MTUS1: variants seen among roughly 807,000 people sequenced by gnomAD.
MTUS1 encodes microtubule associated scaffold protein 1, also known as microtubule-associated tumor suppressor 1.
A neutral mutation model predicts 120.8 loss-of-function variants in MTUS1; 109 were observed. That is an observed-to-expected ratio of 0.90 (90% CI 0.77 to 1.06). MTUS1 has a LOEUF of 1.06. Among genes scored for constraint, MTUS1 ranks in the 50% least tolerant of loss-of-function variants. MTUS1 has a pLI of 0.00. For missense variants in MTUS1, 2,210 were observed against 1,486.3 expected, an observed-to-expected ratio of 1.49 and a Z score of -8.01; for synonymous variants, 737 against 550.5, an observed-to-expected ratio of 1.34 and a Z score of -4.74.
intron 3 of MTUS1, among the ~76,000 whole-genome samples, chr8:17,735,939 G>C (rs1021838534): frequency 6.6e-6 from 1 of 152,212 alleles, no homozygotes; most frequent in Non-Finnish European, 1.5e-5. Flanking sequence ...GGACAGCTGA[G>C]GTGGAATCTG....
intron 1 of MTUS1, among the ~76,000 whole-genome samples, chr8:17,779,929 G>C (rs936538481): frequency 6.6e-6 from 1 of 152,282 alleles, no homozygotes; most frequent in Middle Eastern, 3.4e-3. Flanking sequence ...CTGTCAATGT[G>C]ACATCTCCAC....
intron 8 of MTUS1, among the ~76,000 whole-genome samples, chr8:17,661,848 A>G (rs930743071): frequency 6.6e-6 from 1 of 152,218 alleles, no homozygotes; most frequent in Non-Finnish European, 1.5e-5. Context: ...TGCTCTGTTT[A>G]CTGGCCCGGT....
chr8:17,721,899 C>A, intron 4 of MTUS1: 1 of 1,611,730 alleles, frequency 6.2e-7, no homozygotes, highest in South Asian at 1.1e-5. Flanking sequence ...CTGGTACAGT[C>A]ATTTAAAAGG....
chr8:17,778,152 T>G (rs1451385035), intron 1 of MTUS1, among the ~76,000 whole-genome samples: 1 of 152,212 alleles, frequency 6.6e-6, no homozygotes, highest in African/African-American at 2.4e-5. Context: ...GATTATTTTT[T>G]TTTAATTGTG....
intron 6 of MTUS1, among the ~76,000 whole-genome samples, chr8:17,699,899 T>C (rs1271001957): frequency 6.6e-6 from 1 of 152,218 alleles, no homozygotes; most frequent in African/African-American, 2.4e-5. Flanking sequence ...GTCACAACTA[T>C]TTTTATACTA....
intron 6 of MTUS1, among the ~76,000 whole-genome samples, chr8:17,708,295 G>C (rs1820559938): frequency 6.6e-6 from 1 of 152,190 alleles, no homozygotes; most frequent in South Asian, 2.1e-4. Context: ...CAAATGATTT[G>C]AATAGACACT....
At chr8:17,728,166 T>C (rs957089126) in intron 3 of MTUS1, among the ~76,000 whole-genome samples, 4 of 152,138 alleles carry the variant, frequency 2.6e-5, no homozygotes, top group Non-Finnish European at 2.9e-5. Context: ...TGGGGAGTTG[T>C]TCAATGGGTA....
chr8:17,663,911 T>G (rs1810336345), intron 8 of MTUS1: 2 of 152,242 alleles, frequency 1.3e-5, no homozygotes, highest in African/African-American at 4.8e-5. Flanking sequence ...CTACATTTCT[T>G]CATTTTTAAA....
chr8:17,727,344 C>T (rs11776415), intron 3 of MTUS1, among the ~76,000 whole-genome samples: 1,896 of 152,270 alleles, frequency 0.012, 20 homozygotes, highest in Non-Finnish European at 0.018. Context: ...GGCCTAGAAT[C>T]CAAGTGTCTA....
chr8:17,794,195 G>A (rs976765649), intron 1 of MTUS1, among the ~76,000 whole-genome samples: 2 of 152,066 alleles, frequency 1.3e-5, no homozygotes, highest in African/African-American at 2.4e-5. Flanking sequence ...GGGCGTGGTG[G>A]TGCATGCCTG....
intron 8 of MTUS1, among the ~76,000 whole-genome samples, chr8:17,657,247 C>T (rs1487370388): frequency 2.6e-5 from 4 of 151,836 alleles, no homozygotes; most frequent in Middle Eastern, 3.4e-3. Flanking sequence ...AGGCCAGGCA[C>T]GGTGGTTTGT....
chr8:17,787,624 T>C (rs973270370), intron 1 of MTUS1, among the ~76,000 whole-genome samples: 1 of 152,194 alleles, frequency 6.6e-6, no homozygotes, highest in African/African-American at 2.4e-5. Context: ...GCCAAAAATA[T>C]TCTTCGCCTC....
chr8:17,751,862 T>TTAA (rs2048221028), intron 2 of MTUS1, among the ~76,000 whole-genome samples: 1 of 96,540 alleles, frequency 1.0e-5, no homozygotes, highest in African/African-American at 3.8e-5. Context: ...GACTCTGCCT[T>TTAA]AAAAAAAAAA....
intron 8 of MTUS1, chr8:17,674,764 C>A (rs1324263094): frequency 2.0e-6 from 2 of 1,003,068 alleles, no homozygotes; most frequent in Admixed American, 1.1e-4. Flanking sequence ...ATCCTTTCAA[C>A]TTCATACTCA....
chr8:17,789,004 T>C (rs2131572465), intron 1 of MTUS1, among the ~76,000 whole-genome samples: 1 of 152,216 alleles, frequency 6.6e-6, no homozygotes, highest in Admixed American at 6.5e-5. Context: ...AAGAAATGAT[T>C]TGATGTACAG....
chr8:17,801,415 C>G (rs960572422), upstream of MTUS1: 5 of 151,788 alleles, frequency 3.3e-5, no homozygotes, highest in Non-Finnish European at 5.9e-5. Flanking sequence ...AGCCGCCGTC[C>G]CAGGGGACGG....
intron 8 of MTUS1, among the ~76,000 whole-genome samples, chr8:17,666,976 C>G (rs571886648): frequency 6.6e-6 from 1 of 152,150 alleles, no homozygotes; most frequent in Non-Finnish European, 1.5e-5. Flanking sequence ...GGTCTATTTT[C>G]GTACACAATA....
chr8:17,676,075 C>A, intron 7 of MTUS1: 1 of 571,662 alleles, frequency 1.7e-6, no homozygotes, highest in Non-Finnish European at 3.1e-6. Context: ...AATTTCAAAG[C>A]TCGCTGAAAA....
At chr8:17,764,893 G>T (rs1586260648) in intron 1 of MTUS1, among the ~76,000 whole-genome samples, 1 of 152,082 alleles carries the variant, frequency 6.6e-6, no homozygotes, top group Non-Finnish European at 1.5e-5. Context: ...CAGGAGGAGG[G>T]GGAGGATTCA....
Sources: gnomAD v4.1 joint callset for allele counts (sites outside exome capture counted in the v4.1 genomes callset) on GRCh38, gnomAD v4.1.1 for gene constraint, MANE v1.5 for transcripts, NCBI Gene and HGNC (gene_info 2026-07-23, HGNC 2026-07-21) for gene names.